Variants in ECPAS observed in about 807,000 individuals in gnomAD.
ECPAS encodes the protein Ecm29 proteasome adaptor and scaffold, also known as proteasome adapter and scaffold protein ECM29.
A neutral mutation model predicts 255.1 loss-of-function variants in ECPAS; 70 were observed. That is an observed-to-expected ratio of 0.27 (90% confidence interval 0.23 to 0.33). The LOEUF is 0.33. Among genes scored for constraint, ECPAS ranks in the 10% least tolerant of loss-of-function variants. The probability of loss-of-function intolerance (pLI) is 1.00; values close to 1 mark genes in which losing one functional copy is unlikely to be tolerated. For missense variants in ECPAS, 1,817 were observed against 2,206.4 expected (o/e 0.82, Z 3.54); for synonymous variants, 784 against 775.0 (o/e 1.01, Z -0.19).
chr9:111,439,977 T>C (rs1589200749), intron 6 of ECPAS, among the ~76,000 whole-genome samples: 1 of 152,172 alleles, frequency 6.6e-6, no homozygotes, highest in Non-Finnish European at 1.5e-5. Context: ...TTTATCATTG[T>C]ATGGCTAGGT....
chr9:111,458,380 A>G (rs77773502), intron 2 of ECPAS, among the ~76,000 whole-genome samples: 1,700 of 152,248 alleles, frequency 0.011, 24 homozygotes, highest in African/African-American at 0.039. Context: ...AATTTAGGTG[A>G]CCTCTGTCCA....
chr9:111,461,064 AG>A (rs1589226768), intron 2 of ECPAS, among the ~76,000 whole-genome samples: 1 of 152,158 alleles, frequency 6.6e-6, no homozygotes, highest in Non-Finnish European at 1.5e-5. Context: ...GAAAAAAAAA[AG>A]TTGATTCTTT....
intron 29 of ECPAS, 115 bp from the exon 30 acceptor site, chr9:111,390,216 A>G: frequency 1.7e-6 from 1 of 582,380 alleles, no homozygotes; most frequent in Non-Finnish European, 3.0e-6. Flanking sequence ...CTCAATTTCT[A>G]ATACTGAGTT....
At chr9:111,380,794 T>C (rs2098139656) in intron 35 of ECPAS, among the ~76,000 whole-genome samples, 1 of 152,246 alleles carries the variant, frequency 6.6e-6, no homozygotes, top group Admixed American at 6.5e-5. Flanking sequence ...CTTTATGTTA[T>C]GAAGACAGCT....
intron 2 of ECPAS, among the ~76,000 whole-genome samples, chr9:111,458,196 T>C (rs1389590088): frequency 6.6e-6 from 1 of 152,258 alleles, no homozygotes; most frequent in East Asian, 1.9e-4. Flanking sequence ...TATATTTTCA[T>C]GTCAGATACA....
At chr9:111,427,897 A>C in intron 10 of ECPAS, 145 bp downstream of exon 10, 2 of 610,030 alleles carry the variant, frequency 3.3e-6, no homozygotes, top group Non-Finnish European at 5.1e-6. Context: ...TATTGCAGCA[A>C]ATTTAAGATA....
At chr9:111,437,614 CCACATAAG>C (rs1407239684) in intron 6 of ECPAS, among the ~76,000 whole-genome samples, 2 of 152,134 alleles carry the variant, frequency 1.3e-5, no homozygotes, top group Non-Finnish European at 2.9e-5. Flanking sequence ...CTCCAAACGG[CCACATAAG>C]CACATAAGCA....
rs182695306 is a variant in ECPAS at position 111,409,700 on chromosome 9, C to T, written c.2550+341G>A. Reference sequence around the variant, plus strand: ...TTAGGAGGTTAGGATTTATATTTGGCCTAAAATAAAAAAAAAATCACAAAA... The same window carrying T: ...TTAGGAGGTTAGGATTTATATTTGGTCTAAAATAAAAAAAAAATCACAAAA... On this transcript the variant is annotated intron_variant, in intron 23 of 49. Transcript: ENST00000684092. 6.6e-4 allele frequency among the ~76,000 whole-genome samples: 100 copies of T among 150,724 alleles called. No individual in the cohort carries two copies. In the East Asian group the frequency reaches 0.019, roughly 28 times the overall value.
At chr9:111,451,647 G>T in intron 2 of ECPAS, 92 bp from the exon 3 acceptor site, 1 of 1,220,912 alleles carries the variant, frequency 8.2e-7, no homozygotes, top group Non-Finnish European at 1.1e-6. Flanking sequence ...TTTCTGTACT[G>T]CAATCCTTCA....
At chr9:111,443,473 A>ACTCCTGACCTCATGATCAGCTGGC (rs139804239) in intron 4 of ECPAS, among the ~76,000 whole-genome samples, 9,672 of 151,678 alleles carry the variant, frequency 0.064, 450 homozygotes, top group East Asian at 0.2. Flanking sequence ...CTGGTCTTGA[A>ACTCCTGACCTCATGATCAGCTGGC]CTCCTGACCT....
intron 24 of ECPAS, among the ~76,000 whole-genome samples, chr9:111,406,049 T>A (rs2131688137): frequency 6.7e-6 from 1 of 149,970 alleles, no homozygotes; most frequent in East Asian, 2.0e-4. Context: ...AAATCTGTAT[T>A]CTGAAGAGGT....
Position 111,385,564 on chromosome 9 carries a change from A to C in ECPAS, c.3528-122T>G, listed in dbSNP as rs775229153. ...TTCGAGTTCTCATCCCCTCACCCCA[A>C]AACAGCAATGACTTCTCTCCAGGTC... On this transcript the variant is annotated intron_variant, in intron 32 of 49. Coordinates refer to ENST00000684092, the MANE Select transcript of ECPAS (RefSeq NM_001364929.1). 1.4e-5 allele frequency: 9 copies of C among 655,868 alleles called. No individual in the cohort carries two copies. In the East Asian group the frequency reaches 2.5e-4, roughly 18 times the overall value. 40.6% of individuals were successfully genotyped at this position (655,868 alleles called of 1,614,324 possible).
chr9:111,383,415 A>C, intron 34 of ECPAS, 83 bp from the exon 35 acceptor site: 1 of 1,479,246 alleles, frequency 6.8e-7, no homozygotes, highest in Non-Finnish European at 9.1e-7. Flanking sequence ...TTTCTACTTC[A>C]CATATCTACA....
At chr9:111,375,415 C>CA (rs1179617521) in intron 37 of ECPAS, among the ~76,000 whole-genome samples, 5 of 151,852 alleles carry the variant, frequency 3.3e-5, no homozygotes, top group Non-Finnish European at 5.9e-5. Context: ...TAAAAACAAA[C>CA]AAAAAAATGA....
chr9:111,409,967 T>C, intron 23 of ECPAS, 74 bp downstream of exon 23: 1 of 1,073,868 alleles, frequency 9.3e-7, no homozygotes, highest in Non-Finnish European at 1.3e-6. Flanking sequence ...CTATTCTCAT[T>C]ATAATCTGTT....
intron 35 of ECPAS, among the ~76,000 whole-genome samples, chr9:111,381,214 C>T (rs1243835791): frequency 6.6e-6 from 1 of 152,160 alleles, no homozygotes; most frequent in African/African-American, 2.4e-5. Context: ...TTCATTTAGA[C>T]AGAGGGCATT....
At chr9:111,373,521 G>C in intron 39 of ECPAS, 115 bp from the exon 40 acceptor site, 2 of 769,396 alleles carry the variant, frequency 2.6e-6, no homozygotes, top group East Asian at 2.5e-5. Flanking sequence ...CTCCACAGTA[G>C]TTTAGATTTC....
chr9:111,473,828 A>C (rs2098292652), intron 1 of ECPAS, among the ~76,000 whole-genome samples: 2 of 152,070 alleles, frequency 1.3e-5, no homozygotes. Flanking sequence ...TTAGCCAGGG[A>C]TGGTGGTACC....
intron 5 of ECPAS, 58 bp downstream of exon 5, chr9:111,442,248 T>C (rs997782653): frequency 2.7e-6 from 3 of 1,105,952 alleles, no homozygotes; most frequent in Non-Finnish European, 4.0e-6. Context: ...GAATTAATAT[T>C]TGAAAGGCAG....
Sources: allele counts gnomAD v4.1 joint callset (sites outside exome capture counted in the v4.1 genomes callset), GRCh38; gene constraint gnomAD v4.1.1; transcripts MANE v1.5; gene names NCBI Gene and HGNC (gene_info 2026-07-23, HGNC 2026-07-21).